EPHA2: variants seen among roughly 807,000 people sequenced by gnomAD.
EPHA2 encodes ephrin type-A receptor 2.
EPHA2 carries 54 observed loss-of-function variants against 104.9 expected under a neutral mutation model. That is an observed-to-expected ratio of 0.51 (90% CI 0.41 to 0.65). EPHA2 has a LOEUF of 0.65. Ranked by LOEUF, EPHA2 falls within the 30% of genes least tolerant of loss-of-function variation. The pLI is 0.00. For missense variants in EPHA2, 1,117 were observed against 1,369.5 expected (o/e 0.82, Z 2.91); for synonymous variants, 560 against 559.1 (o/e 1.00, Z -0.02).
At chr1:16,142,520 TG>T (rs2024841917) in intron 3 of EPHA2, among the ~76,000 whole-genome samples, 1 of 151,872 alleles carries the variant, frequency 6.6e-6, no homozygotes, top group South Asian at 2.1e-4. Flanking sequence ...GGTGAGTTGG[TG>T]GGTGGATGGG....
At chr1:16,126,551 G>A (rs2024472800) in intron 16 of EPHA2, among the ~76,000 whole-genome samples, 1 of 152,304 alleles carries the variant, frequency 6.6e-6, no homozygotes, top group South Asian at 2.1e-4. Flanking sequence ...AGACATTTGG[G>A]ACATTTGGGA....
intron 3 of EPHA2, among the ~76,000 whole-genome samples, chr1:16,140,920 G>A (rs764471400): frequency 1.5e-4 from 22 of 151,580 alleles, no homozygotes; most frequent in Non-Finnish European, 2.6e-4. Flanking sequence ...TTTTAGAGAC[G>A]GGGTGTGTCT....
Position 16,132,177 on chromosome 1 carries a change from G to C in EPHA2, c.2212C>G (p.Arg738Gly). ...KYLANMNYVHRDLAARNILVN... is the reference protein window; with the variant it reads ...KYLANMNYVHGDLAARNILVN... ...AGGATGTTGCGGGCAGCCAGGTCACGGTGCACATAGTTCATGTTGGCCAGG... is the reference window on the plus strand; with the variant it reads ...AGGATGTTGCGGGCAGCCAGGTCACCGTGCACATAGTTCATGTTGGCCAGG... The change falls in exon 13 of 17, where the codon CGT becomes GGT. Residue 738 changes from arginine (R) to glycine (G), a missense_variant. Around this residue, in one of 3 missense-constraint regions of EPHA2, gnomAD observed 340 missense variants for 480.5 expected, o/e 0.71. Coordinates refer to ENST00000358432, the MANE Select transcript of EPHA2 (RefSeq NM_004431.5). 6.2e-7 allele frequency: 1 copy of C among 1,614,210 alleles called. No individual in the cohort carries two copies. The highest frequency in any genetic ancestry group is 8.5e-7 in the Non-Finnish European group (1 of 1,180,032).
Position 16,131,986 on chromosome 1 carries a change from C to G in EPHA2, c.2325+78G>C, listed in dbSNP as rs1008089363. ...TACAGGTGTTCTGCCTCCTGAAGCA[C>G]TGCCCAGGTGTGCAGGTGAGAGGAC... On this transcript the variant is annotated intron_variant, in intron 13 of 16. Coordinates refer to ENST00000358432, the MANE Select transcript of EPHA2 (RefSeq NM_004431.5). This position sits in a 1 kb window ranked among gnomAD's most constrained non-coding sequence, Gnocchi z 5.2. 2.5e-6 allele frequency: 4 copies of G among 1,610,770 alleles called. No individual in the cohort carries two copies. The highest frequency in any genetic ancestry group is 3.4e-6 in the Non-Finnish European group (4 of 1,178,064).
rs1243374282 is a variant in EPHA2 at position 16,134,436 on chromosome 1, C to T, written c.1682+32G>A. The T allele has an allele frequency of 1.2e-6, 2 of 1,610,290 alleles. No individual in the cohort carries two copies. The highest frequency in any genetic ancestry group is 3.3e-5 in the Admixed American group (2 of 59,978). ...CCTGCCCCATTTTCCCACCCAAGCC[C>T]ATGTGGAGCCAGGGTATGGGCTCTG... On this transcript the variant is annotated intron_variant, in intron 8 of 16. Transcript: ENST00000358432. The surrounding 1 kb of genome is among the most constrained non-coding windows in gnomAD (Gnocchi z 4.5).
rs1399267917 is a variant in EPHA2 at position 16,134,344 on chromosome 1, C to T, written c.1682+124G>A. On this transcript the variant is annotated intron_variant, in intron 8 of 16. Coordinates refer to ENST00000358432, the MANE Select transcript of EPHA2 (RefSeq NM_004431.5). This position sits in a 1 kb window ranked among gnomAD's most constrained non-coding sequence, Gnocchi z 4.5. ...CTAACTCGTATATCCTCGCACCATC[C>T]GGAGGCAGGGATTAGACTCGACTAG... 5 of 1,094,432 alleles carry T rather than the reference C, an allele frequency of 4.6e-6. No individual in the cohort carries two copies. Among genetic ancestry groups the T allele is most frequent in the East Asian group, 2.6e-5 (1 of 38,938 alleles). 67.8% of individuals were successfully genotyped at this position (1,094,432 alleles called of 1,614,324 possible). A position where few individuals can be genotyped will look rare whatever the true frequency, so the allele number is the denominator to read the frequency against.
At position 16,138,126 on chromosome 1, in the gene EPHA2, G is replaced by A. The variant is rs767568653; in HGVS notation, c.1039C>T (p.Arg347Cys). The change falls in exon 5 of 17, where the codon CGC (arginine) becomes TGC (cysteine). Residue 347 changes from arginine to cysteine, a missense_variant. Physicochemically the swap from Arg to Cys is radical, Grantham distance 180. Transcript: ENST00000358432. ...CCGCTGTCCTGAGGGGGCGTCCAGC[G>A]CAGCTCCACCTTGGCACCCATGCCC... ...AVGMGAKVEL[R>C]WTPPQDSGGR... The A allele has an allele frequency of 2.1e-5, 34 of 1,609,022 alleles. No homozygotes were observed. The highest frequency in any genetic ancestry group is 3.3e-5 in the South Asian group (3 of 91,068).
Position 16,149,066 on chromosome 1 carries a change from G to A in EPHA2, c.154-19C>T. 1 of 1,609,726 alleles carries A rather than the reference G, an allele frequency of 6.2e-7. No individual in the cohort carries two copies. Among genetic ancestry groups the A allele is most frequent in the Non-Finnish European group, 8.5e-7 (1 of 1,179,982 alleles). ...GGTCCCACTGTGGGGGGAAGATACAGGTTAGTGTGGGCAGGTGCCTGGGGA... is the reference window on the plus strand; with the variant it reads ...GGTCCCACTGTGGGGGGAAGATACAAGTTAGTGTGGGCAGGTGCCTGGGGA... On this transcript the variant is annotated intron_variant, in intron 2 of 16. Coordinates refer to ENST00000358432, the MANE Select transcript of EPHA2 (RefSeq NM_004431.5).
At chr1:16,154,853 C>A (rs1032598630) in intron 1 of EPHA2, among the ~76,000 whole-genome samples, 1 of 151,974 alleles carries the variant, frequency 6.6e-6, no homozygotes, top group Non-Finnish European at 1.5e-5. Flanking sequence ...CCTCGCTCTG[C>A]CCAGGCAGGA....
At chr1:16,143,191 A>ATGGATGGATGGATGGATGG (rs1557512021) in intron 3 of EPHA2, among the ~76,000 whole-genome samples, 1 of 28,884 alleles carries the variant, frequency 3.5e-5, no homozygotes, top group African/African-American at 1.6e-4. Flanking sequence ...TGGATGGATG[A>ATGGATGGATGGATGGATGG]ATGGATGGAT....
rs918438601 is a variant in EPHA2 at position 16,124,699 on chromosome 1, G to C, written c.*516C>G. On this transcript the variant is annotated 3_prime_UTR_variant, in exon 17 of 17. Transcript: ENST00000358432. Reference sequence around the variant, plus strand: ...AAAGGCCCAGGAAAGCAAGGGTTTGGCCAGTCAGGGATGAGGATGGGGCCC... The same window carrying C: ...AAAGGCCCAGGAAAGCAAGGGTTTGCCCAGTCAGGGATGAGGATGGGGCCC... The C allele has an allele frequency of 6.3e-6, 1 of 158,420 alleles. No homozygotes were observed. Among genetic ancestry groups the C allele is most frequent in the African/African-American group, 2.4e-5 (1 of 41,632 alleles). The allele number at this position is 158,420 out of a possible 1,614,324, so 9.8% of individuals were successfully genotyped here.
In EPHA2 at chr1:16,132,285, C is replaced by T; in HGVS notation, c.2116-12G>A. 6.2e-7 allele frequency: 1 copy of T among 1,614,044 alleles called. No individual in the cohort carries two copies. The highest frequency in any genetic ancestry group is 8.5e-7 in the Non-Finnish European group (1 of 1,180,012). On this transcript the variant is annotated splice_polypyrimidine_tract_variant and intron_variant, in intron 12 of 16. Coordinates refer to ENST00000358432, the MANE Select transcript of EPHA2 (RefSeq NM_004431.5). The stretch of plus-strand genomic sequence containing the variant: ...TCGCCATCCTTCTCCTGCCGGAGCA[C>T]AGGCGCTCAGCTGCAGGCCAGCCCT...
chr1:16,149,515 T>C (rs958847248), intron 2 of EPHA2, among the ~76,000 whole-genome samples: 4 of 152,230 alleles, frequency 2.6e-5, no homozygotes, highest in Non-Finnish European at 4.4e-5. Flanking sequence ...CACCCATGTG[T>C]GTTGGCAAAC....
chr1:16,131,765 T>C lies in EPHA2; in HGVS notation c.2431A>G (p.Met811Val). The part of the protein sequence containing the change: ...WSFGIVMWEV[M>V]TYGERPYWEL... ...CAGTAGGGCCGCTCGCCATAGGTCA[T>C]CACCTCCCACATGACAATGCCAAAG... Residue 811 changes from methionine (M) to valine (V), a missense_variant, in exon 14 of 17, where the codon ATG (methionine) becomes GTG (valine). Met to Val is a conservative substitution (Grantham distance 21, BLOSUM62 1). This residue lies in a region of EPHA2 where 340 missense variants were observed against 480.5 expected (regional missense o/e 0.71). Coordinates refer to ENST00000358432, the MANE Select transcript of EPHA2 (RefSeq NM_004431.5). The surrounding 1 kb of genome is among the most constrained non-coding windows in gnomAD (Gnocchi z 5.2). 6.2e-7 allele frequency: 1 copy of C among 1,614,102 alleles called. No homozygotes were observed. The highest frequency in any genetic ancestry group is 8.5e-7 in the Non-Finnish European group (1 of 1,180,022).
rs2024665060 is a variant in EPHA2 at position 16,135,462 on chromosome 1, T to A, written c.1428+193A>T. The A allele has an allele frequency of 6.8e-5, 49 of 721,382 alleles. 3 individuals are homozygous for A. In the South Asian group the frequency reaches 7.8e-4, roughly 11 times the overall value. The allele number at this position is 721,382 out of a possible 1,614,324, so 44.7% of individuals were successfully genotyped here. On this transcript the variant is annotated intron_variant, in intron 6 of 16. Transcript: ENST00000358432. The surrounding 1 kb of genome is among the most constrained non-coding windows in gnomAD (Gnocchi z 4.3). ...CTGACTGCCTCTTCCAAGGACGCCA[T>A]GTCTTCTCTCGTACAAATCTCTGCT...
Position 16,146,334 on chromosome 1 carries a change from C to T in EPHA2, c.823+2044G>A, listed in dbSNP as rs138953869. 3.9e-5 allele frequency: 6 copies of T among 152,340 alleles called. No individual in the cohort carries two copies. The East Asian group carries it at 1.2e-3, about 29-fold the overall frequency. 9.4% of individuals were successfully genotyped at this position (152,340 alleles called of 1,614,324 possible). The stretch of plus-strand genomic sequence containing the variant: ...ACAAAATCTGCCAGAACCCTGACCC[C>T]CCACCTCTAGAGGAGGGAAGGCTGC... On this transcript the variant is annotated intron_variant, in intron 3 of 16. Transcript: ENST00000358432.
chr1:16,130,444 C>T lies in EPHA2; in HGVS notation c.2476-25G>A, dbSNP rs532260565. The T allele has an allele frequency of 1.3e-5, 20 of 1,527,188 alleles. No homozygotes were observed. The highest frequency in any genetic ancestry group is 3.9e-5 in the South Asian group (3 of 76,578). The allele number at this position is 1,527,188 out of a possible 1,614,324, so 94.6% of individuals were successfully genotyped here. A position where few individuals can be genotyped will look rare whatever the true frequency, so the allele number is the denominator to read the frequency against. On this transcript the variant is annotated intron_variant, in intron 14 of 16. Coordinates refer to ENST00000358432, the MANE Select transcript of EPHA2 (RefSeq NM_004431.5). The surrounding 1 kb of genome is among the most constrained non-coding windows in gnomAD (Gnocchi z 4.5). ...CCTGGCGGGGCACGAAGGTCAGGGG[C>T]GCTGTTGCAGAAAGCCACTGAAACC...
chr1:16,150,097 A>G lies in EPHA2; in HGVS notation c.153+799T>C, dbSNP rs1307029257. Among the ~76,000 whole-genome samples, 1 of 152,122 alleles carries G rather than the reference A, an allele frequency of 6.6e-6. No individual in the cohort carries two copies. The highest frequency in any genetic ancestry group is 1.5e-5 in the Non-Finnish European group (1 of 68,016). Reference sequence around the variant, plus strand: ...AGAAACCTGCTCAGGGCTACACCCCAGCCAAGCCTGCCCAGAGCTAGGGTG... The same window carrying G: ...AGAAACCTGCTCAGGGCTACACCCCGGCCAAGCCTGCCCAGAGCTAGGGTG... On this transcript the variant is annotated intron_variant, in intron 2 of 16. Transcript: ENST00000358432. This position sits in a 1 kb window ranked among gnomAD's most constrained non-coding sequence, Gnocchi z 4.8.
rs2024989834 is a variant in EPHA2 at position 16,149,064 on chromosome 1, C to G, written c.154-17G>C. 1 of 1,610,234 alleles carries G rather than the reference C, an allele frequency of 6.2e-7. No individual in the cohort carries two copies. Among genetic ancestry groups the G allele is most frequent in the African/African-American group, 1.3e-5 (1 of 74,908 alleles). ...CAGGTCCCACTGTGGGGGGAAGATA[C>G]AGGTTAGTGTGGGCAGGTGCCTGGG... is the stretch of plus-strand genomic sequence containing the variant. On this transcript the variant is annotated splice_polypyrimidine_tract_variant and intron_variant, in intron 2 of 16. Transcript: ENST00000358432.
Sources: gnomAD v4.1 joint callset for allele counts (sites outside exome capture counted in the v4.1 genomes callset) on GRCh38, gnomAD v4.1.1 for gene constraint, gnomAD v4.1.1 regional missense constraint, Gnocchi (gnomAD v3.1) non-coding constraint, MANE v1.5 for transcripts, NCBI Gene and HGNC (gene_info 2026-07-23, HGNC 2026-07-21) for gene names.